Variants in SEMA3D observed in about 807,000 individuals in gnomAD.
The protein encoded by SEMA3D is semaphorin-3D.
SEMA3D carries 84 observed loss-of-function variants against 100.1 expected under a neutral mutation model. The observed-to-expected ratio is 0.84, with a 90% CI of 0.70 to 1.01. The LOEUF (loss-of-function observed/expected upper bound fraction) is 1.01, where lower values mean the gene tolerates loss of function less well. SEMA3D is among the 50% of genes least tolerant of loss of function. SEMA3D has a pLI of 0.00. For synonymous variants in SEMA3D, 312 were observed against 320.7 expected (o/e 0.97, Z 0.29); for missense variants, 875 against 934.1 (o/e 0.94, Z 0.82).
At chr7:85,119,207 C>T (rs1789336983) in intron 3 of SEMA3D, among the ~76,000 whole-genome samples, 1 of 152,156 alleles carries the variant, frequency 6.6e-6, no homozygotes, top group East Asian at 1.9e-4. Context: ...GACAGTGTGG[C>T]AATTTCTCAA....
At chr7:85,212,786 T>A in the SEMA3D span, among the ~76,000 whole-genome samples, 3 of 152,026 alleles carry the variant, frequency 2.0e-5, no homozygotes, top group Non-Finnish European at 4.4e-5. Context: ...AATGAACTAT[T>A]TACTCTTTAT....
intron 1 of SEMA3D, among the ~76,000 whole-genome samples, chr7:85,171,499 C>T (rs1791080963): frequency 6.6e-6 from 1 of 151,942 alleles, no homozygotes; most frequent in Non-Finnish European, 1.5e-5. Flanking sequence ...ATCTTCCCTA[C>T]CTGTGTTCAT....
Position 84,999,608 on chromosome 7 carries a change from G to A in SEMA3D, c.2166C>T (p.Ser722=). ...RYKDYIQILS[S]PNFSLDQYCE... The stretch of plus-strand genomic sequence containing the variant: ...AGTACTGGTCGAGGCTGAAGTTTGG[G>A]CTGCTAAGGATTTGGATGTAGTCTT... The change falls in exon 19 of 19, where the codon AGC becomes AGT. Residue 722 remains serine (S), a synonymous_variant. Transcript: ENST00000284136. 1 of 1,614,056 alleles carries A rather than the reference G, an allele frequency of 6.2e-7. No individual in the cohort carries two copies. Among genetic ancestry groups the A allele is most frequent in the Non-Finnish European group, 8.5e-7 (1 of 1,180,016 alleles).
At chr7:85,110,967 C>A (rs1198011474) in intron 3 of SEMA3D, among the ~76,000 whole-genome samples, 2 of 152,010 alleles carry the variant, frequency 1.3e-5, no homozygotes, top group Non-Finnish European at 2.9e-5. Context: ...TTTAATGTTA[C>A]TTTTTAGTTG....
intron 12 of SEMA3D, among the ~76,000 whole-genome samples, chr7:85,034,863 G>A (rs982640602): frequency 2.6e-5 from 4 of 152,120 alleles, no homozygotes; most frequent in African/African-American, 9.7e-5. Flanking sequence ...CTTGCACACT[G>A]CTAGTGGTAA....
chr7:85,073,629 T>C (rs1374257309), intron 5 of SEMA3D, among the ~76,000 whole-genome samples: 1 of 152,196 alleles, frequency 6.6e-6, no homozygotes, highest in Admixed American at 6.5e-5. Flanking sequence ...TTATACCATA[T>C]AGTTACTACT....
chr7:85,026,131 T>C (rs1790384370), intron 12 of SEMA3D, among the ~76,000 whole-genome samples: 1 of 152,030 alleles, frequency 6.6e-6, no homozygotes, highest in Non-Finnish European at 1.5e-5. Context: ...TATTTTGTGA[T>C]ACGTGTCCTT....
At chr7:85,009,954 A>C (rs1789905710) in intron 17 of SEMA3D, among the ~76,000 whole-genome samples, 2 of 151,974 alleles carry the variant, frequency 1.3e-5, no homozygotes, top group African/African-American at 4.8e-5. Flanking sequence ...TAAATGAATA[A>C]AAAAGGAATA....
At chr7:85,185,946 A>AGT (rs1791531954) in intron 1 of SEMA3D, among the ~76,000 whole-genome samples, 1 of 152,084 alleles carries the variant, frequency 6.6e-6, no homozygotes, top group Admixed American at 6.5e-5. Context: ...AGATCCCCCG[A>AGT]GTGTTTTGCC....
intron 1 of SEMA3D, among the ~76,000 whole-genome samples, chr7:85,166,394 G>A (rs2215439): frequency 0.44 from 66,855 of 151,650 alleles, 15,805 homozygotes; most frequent in East Asian, 0.7. Flanking sequence ...TTTGAATCAT[G>A]GTGTTGGCAG....
At chr7:85,073,507 C>T (rs1028348523) in intron 5 of SEMA3D, among the ~76,000 whole-genome samples, 2 of 152,002 alleles carry the variant, frequency 1.3e-5, no homozygotes, top group Admixed American at 1.3e-4. Context: ...TACTCAGCCT[C>T]CTGAGTAGCT....
intron 18 of SEMA3D, among the ~76,000 whole-genome samples, chr7:85,005,353 T>G (rs980334096): frequency 3.3e-5 from 5 of 151,980 alleles, no homozygotes; most frequent in Non-Finnish European, 5.9e-5. Flanking sequence ...AGGTAAAAAA[T>G]GGGACCCTTA....
intron 7 of SEMA3D, among the ~76,000 whole-genome samples, chr7:85,067,116 C>G (rs934996409): frequency 6.6e-6 from 1 of 152,042 alleles, no homozygotes; most frequent in Non-Finnish European, 1.5e-5. Context: ...AAGAAGTGAA[C>G]TGTCACTTTG....
intron 9 of SEMA3D, among the ~76,000 whole-genome samples, chr7:85,048,695 T>A (rs1024027569): frequency 2.0e-5 from 3 of 151,838 alleles, no homozygotes; most frequent in Non-Finnish European, 4.4e-5. Flanking sequence ...ACCTGGTTCA[T>A]TGGGATTTTT....
chr7:85,147,094 T>TTTC (rs1790234216), intron 2 of SEMA3D, among the ~76,000 whole-genome samples: 2 of 102,312 alleles, frequency 2.0e-5, no homozygotes, highest in African/African-American at 9.6e-5. Context: ...TTTCTTTTCT[T>TTTC]TTTTTTTTTT....
chr7:85,247,288 A>G, the SEMA3D span, among the ~76,000 whole-genome samples: 2 of 152,092 alleles, frequency 1.3e-5, no homozygotes, highest in African/African-American at 4.8e-5. Context: ...AAAATTAAGA[A>G]AAGTGGAAAA....
intron 17 of SEMA3D, among the ~76,000 whole-genome samples, chr7:85,009,324 C>T (rs576640217): frequency 7.3e-5 from 11 of 151,618 alleles, no homozygotes; most frequent in Admixed American, 7.2e-4. Flanking sequence ...GATTTTATGT[C>T]ACTGATAATC....
At chr7:85,156,195 TG>T (rs1790592040) in intron 1 of SEMA3D, among the ~76,000 whole-genome samples, 1 of 151,262 alleles carries the variant, frequency 6.6e-6, no homozygotes, top group African/African-American at 2.4e-5. Context: ...CTCCACCTCC[TG>T]GGTTCAAGTG....
intron 17 of SEMA3D, among the ~76,000 whole-genome samples, chr7:85,008,853 T>C (rs1321821865): frequency 1.3e-5 from 2 of 151,818 alleles, no homozygotes; most frequent in Non-Finnish European, 2.9e-5. Flanking sequence ...ACAAACTTTG[T>C]TTCATGTACA....
Sources: gnomAD v4.1 joint callset for allele counts (sites outside exome capture counted in the v4.1 genomes callset) on GRCh38, gnomAD v4.1.1 for gene constraint, MANE v1.5 for transcripts, NCBI Gene and HGNC (gene_info 2026-07-23, HGNC 2026-07-21) for gene names.